The following GOLGA1 variants were observed in gnomAD, a reference collection of about 807,000 sequenced individuals.
GOLGA1 encodes the protein golgin subfamily A member 1.
A neutral mutation model predicts 119.7 loss-of-function variants in GOLGA1; 63 were observed. The observed-to-expected ratio is 0.53, with a 90% CI of 0.43 to 0.65. The LOEUF (loss-of-function observed/expected upper bound fraction) is 0.65, where lower values mean the gene tolerates loss of function less well. Ranked by LOEUF, GOLGA1 falls within the 30% of genes least tolerant of loss-of-function variation. The pLI, the probability that GOLGA1 is intolerant of heterozygous loss-of-function variation, is 0.00. For missense variants in GOLGA1, 798 were observed against 912.8 expected, an observed-to-expected ratio of 0.87 and a Z score of 1.62; for synonymous variants, 318 against 333.4, an observed-to-expected ratio of 0.95 and a Z score of 0.50.
intron 11 of GOLGA1, among the ~76,000 whole-genome samples, 176 bp downstream of exon 11, chr9:124,911,721 TCACC>T: frequency 6.6e-6 from 1 of 152,322 alleles, no homozygotes; most frequent in Non-Finnish European, 1.5e-5. Context: ...GAAAAGCATG[TCACC>T]CACAGGGGAC....
At chr9:124,919,065 A>G (rs1277445754) in intron 10 of GOLGA1, among the ~76,000 whole-genome samples, 1 of 152,042 alleles carries the variant, frequency 6.6e-6, no homozygotes, top group Admixed American at 6.6e-5. Context: ...CCTGGGCAAC[A>G]TAGCGAAACC....
chr9:124,904,552 TA>T (rs2131426606), intron 12 of GOLGA1, among the ~76,000 whole-genome samples: 1 of 152,368 alleles, frequency 6.6e-6, no homozygotes, highest in South Asian at 2.1e-4. Context: ...CTCACATCTG[TA>T]ATCCCAGCAC....
At chr9:124,933,041 T>A (rs1830801158) in intron 3 of GOLGA1, among the ~76,000 whole-genome samples, 1 of 152,166 alleles carries the variant, frequency 6.6e-6, no homozygotes, top group South Asian at 2.1e-4. Context: ...GAAGCTGTTA[T>A]GATTATTACT....
intron 7 of GOLGA1, among the ~76,000 whole-genome samples, chr9:124,924,646 A>AC (rs1321941498): frequency 1.4e-4 from 21 of 151,306 alleles, no homozygotes; most frequent in African/African-American, 4.1e-4. Context: ...CAAAAAAAAA[A>AC]AAAAAGAAAA....
intron 9 of GOLGA1, among the ~76,000 whole-genome samples, 195 bp from the exon 10 acceptor site, chr9:124,921,435 A>T (rs1157059328): frequency 6.6e-6 from 1 of 152,188 alleles, no homozygotes; most frequent in East Asian, 1.9e-4. Flanking sequence ...CCCTAGTTTA[A>T]GAAAGAAATC....
chr9:124,889,200 G>A lies in GOLGA1; in HGVS notation c.1704C>T (p.Asp568=). Residue 568 remains aspartate (D), a synonymous_variant, in exon 18 of 23, where the codon GAC becomes GAT. Transcript: ENST00000373555. ...EEAAVVAEQE[D]LLRLRGPLQA... ...GCAATGGGCCCCGCAGCCTCAGCAG[G>A]TCCTCCTGCTCCGCGACCACTGCAG... 1 of 1,612,930 alleles carries A rather than the reference G, an allele frequency of 6.2e-7. No individual in the cohort carries two copies. The highest frequency in any genetic ancestry group is 8.5e-7 in the Non-Finnish European group (1 of 1,179,960).
At chr9:124,914,486 C>T (rs1055450115) in intron 10 of GOLGA1, among the ~76,000 whole-genome samples, 1 of 150,934 alleles carries the variant, frequency 6.6e-6, no homozygotes, top group East Asian at 1.9e-4. Flanking sequence ...GAGCGAGGAG[C>T]GACACTCCGT....
chr9:124,915,053 C>T (rs1414693191), intron 10 of GOLGA1, among the ~76,000 whole-genome samples: 1 of 152,190 alleles, frequency 6.6e-6, no homozygotes, highest in African/African-American at 2.4e-5. Context: ...TCCCTGACAT[C>T]AAACCTGCCC....
At chr9:124,903,221 C>G (rs1347064888) in intron 12 of GOLGA1, among the ~76,000 whole-genome samples, 3 of 152,184 alleles carry the variant, frequency 2.0e-5, no homozygotes, top group Non-Finnish European at 4.4e-5. Context: ...GGTGCGGTGG[C>G]TTATGCCTGT....
rs566795989 is a variant in GOLGA1 at position 124,886,674 on chromosome 9, G to A, written c.1905+1579C>T. Among the ~76,000 whole-genome samples, 5 of 152,080 alleles carry A rather than the reference G, an allele frequency of 3.3e-5. No homozygotes were observed. The East Asian group carries it at 7.7e-4, about 24-fold the overall frequency. ...CGGCGCACCTCTCAGTAGATGGGACGATTCCAAGAAAAAACGACCTAGGCA... is the reference window on the plus strand; with the variant it reads ...CGGCGCACCTCTCAGTAGATGGGACAATTCCAAGAAAAAACGACCTAGGCA... On this transcript the variant is annotated intron_variant, in intron 19 of 22. Coordinates refer to ENST00000373555, the MANE Select transcript of GOLGA1 (RefSeq NM_002077.4).
intron 7 of GOLGA1, 66 bp from the exon 8 acceptor site, chr9:124,923,289 A>T: frequency 7.4e-7 from 1 of 1,358,280 alleles, no homozygotes; most frequent in Non-Finnish European, 1.0e-6. Context: ...TACGAAAGTG[A>T]AAATCTTTTC....
chr9:124,943,138 T>G (rs1022650989), upstream of GOLGA1: 1 of 152,232 alleles, frequency 6.6e-6, no homozygotes, highest in Admixed American at 6.5e-5. Flanking sequence ...AACGTATGGC[T>G]TAAGCAATTT....
At chr9:124,919,841 C>T (rs1588086451) in intron 10 of GOLGA1, among the ~76,000 whole-genome samples, 2 of 152,036 alleles carry the variant, frequency 1.3e-5, no homozygotes, top group South Asian at 2.1e-4. Context: ...TGCTAAATGT[C>T]GCGCAATGCA....
At chr9:124,942,411 A>G (rs1056740937), upstream of GOLGA1, among the ~76,000 whole-genome samples, 4 of 152,112 alleles carry the variant, frequency 2.6e-5, no homozygotes, top group African/African-American at 9.7e-5. Flanking sequence ...ATTCCACCCA[A>G]TTCTTCAACA....
At chr9:124,882,714 C>G (rs966019388) in intron 19 of GOLGA1, 145 bp from the exon 20 acceptor site, 12 of 667,482 alleles carry the variant, frequency 1.8e-5, no homozygotes, top group Non-Finnish European at 2.7e-5. Context: ...TGGTGCTCAG[C>G]TGTCGCATGC....
At chr9:124,939,711 C>A (rs192625029) in intron 2 of GOLGA1, among the ~76,000 whole-genome samples, 10 of 151,772 alleles carry the variant, frequency 6.6e-5, no homozygotes, top group Admixed American at 3.3e-4. Context: ...TACAGGAATG[C>A]GCCACTATGC....
At position 124,938,806 on chromosome 9, in the gene GOLGA1, A is replaced by T; in HGVS notation, c.-95T>A. 9.6e-7 allele frequency: 1 copy of T among 1,039,170 alleles called. No individual in the cohort carries two copies. Among genetic ancestry groups the T allele is most frequent in the Non-Finnish European group, 1.4e-6 (1 of 720,976 alleles). The allele number at this position is 1,039,170 out of a possible 1,614,324, so 64.4% of individuals were successfully genotyped here. On this transcript the variant is annotated 5_prime_UTR_variant, in exon 3 of 23. Coordinates refer to ENST00000373555, the MANE Select transcript of GOLGA1 (RefSeq NM_002077.4). ...GACAGAGGCGCCTACAAAGTTTCAG[A>T]CATCCAAGCTAGCTGCATTCCCACT... is the stretch of plus-strand genomic sequence containing the variant.
At chr9:124,926,414 C>T (rs569185191) in intron 7 of GOLGA1, among the ~76,000 whole-genome samples, 7 of 152,248 alleles carry the variant, frequency 4.6e-5, no homozygotes, top group Non-Finnish European at 7.4e-5. Flanking sequence ...TGAACCCAAC[C>T]GGATGCCAGA....
In GOLGA1 at chr9:124,921,215, C is replaced by T. The variant is rs752876800; in HGVS notation, c.757G>A (p.Gly253Ser). Residue 253 changes from glycine to serine, a missense_variant, in exon 10 of 23, where the codon GGT becomes AGT. By Grantham distance (56) the Gly-to-Ser change is moderately conservative. Coordinates refer to ENST00000373555, the MANE Select transcript of GOLGA1 (RefSeq NM_002077.4). The part of the protein sequence containing the change: ...QRDHVIASKT[G>S]AESKITALEQ... ...AGGGCTGTGATCTTACTTTCTGCACCTGTTTTTGAAGCTATCACATGATCT... is the reference window on the plus strand; with the variant it reads ...AGGGCTGTGATCTTACTTTCTGCACTTGTTTTTGAAGCTATCACATGATCT... The T allele has an allele frequency of 6.2e-7, 1 of 1,611,484 alleles. No homozygotes were observed. The highest frequency in any genetic ancestry group is 2.2e-5 in the East Asian group (1 of 44,878).
Sources: gnomAD v4.1 joint callset for allele counts (sites outside exome capture counted in the v4.1 genomes callset) on GRCh38, gnomAD v4.1.1 for gene constraint, MANE v1.5 for transcripts, NCBI Gene and HGNC (gene_info 2026-07-23, HGNC 2026-07-21) for gene names.